CHST11: variants seen among roughly 807,000 people sequenced by gnomAD.
The protein encoded by CHST11 is C4S-1.
In CHST11, 9 loss-of-function variants were observed where a neutral mutation model predicts 30.4. The ratio of observed to expected loss-of-function variants is 0.30; its 90% CI spans 0.18 to 0.52. The LOEUF (loss-of-function observed/expected upper bound fraction) is 0.52, where lower values mean the gene tolerates loss of function less well. Ranked by LOEUF, CHST11 falls within the 20% of genes least tolerant of loss-of-function variation. The probability of loss-of-function intolerance (pLI) is 0.97; values close to 1 mark genes in which losing one functional copy is unlikely to be tolerated. For missense variants in CHST11, 348 were observed against 460.6 expected (o/e 0.76, Z 2.24); for synonymous variants, 152 against 187.8 (o/e 0.81, Z 1.56).
intron 2 of CHST11, among the ~76,000 whole-genome samples, chr12:104,686,537 G>C (rs913594626): frequency 7.9e-5 from 12 of 152,182 alleles, no homozygotes; most frequent in African/African-American, 2.9e-4. Flanking sequence ...TAAAATTGTA[G>C]GACTTCTGGA....
Position 104,480,381 on chromosome 12 carries a change from G to T in CHST11, c.118+22852G>T, listed in dbSNP as rs7953435. ...TCACGAGGTCAGGAGTTTGAGACCA[G>T]CCTGGCCAAGATGGTGAAACCCCGT... On this transcript the variant is annotated intron_variant, in intron 1 of 2. Transcript: ENST00000303694. 5.6e-3 allele frequency among the ~76,000 whole-genome samples: 859 copies of T among 152,216 alleles called. 10 individuals are homozygous for T. The highest frequency in any genetic ancestry group is 0.02 in the African/African-American group (825 of 41,524).
intron 2 of CHST11, among the ~76,000 whole-genome samples, chr12:104,605,566 C>T (rs184917830): frequency 2.9e-4 from 44 of 152,204 alleles, no homozygotes; most frequent in Admixed American, 2.4e-3. Context: ...GCGAAAGAGC[C>T]AGACTCCGTC....
At position 104,679,591 on chromosome 12, in the gene CHST11, G is replaced by C. The variant is rs536462105; in HGVS notation, c.205-77358G>C. ...TGATGAGACCCCAGCAGCTGGTGAGGGGGGCCAGGCCTGTGTGGATTTTGA... is the reference window on the plus strand; with the variant it reads ...TGATGAGACCCCAGCAGCTGGTGAGCGGGGCCAGGCCTGTGTGGATTTTGA... On this transcript the variant is annotated intron_variant, in intron 2 of 2. Transcript: ENST00000303694. Among the ~76,000 whole-genome samples, 401 of 152,286 alleles carry C rather than the reference G, an allele frequency of 2.6e-3. 1 individual carries two copies. The highest frequency in any genetic ancestry group is 4.6e-3 in the Non-Finnish European group (311 of 68,008).
At chr12:104,739,355 G>A (rs2040328638) in intron 2 of CHST11, among the ~76,000 whole-genome samples, 1 of 152,214 alleles carries the variant, frequency 6.6e-6, no homozygotes, top group African/African-American at 2.4e-5. Flanking sequence ...ATTTCTAGAA[G>A]GTAGAGTGAC....
At chr12:104,584,789 T>C (rs1357679483) in intron 1 of CHST11, among the ~76,000 whole-genome samples, 1 of 152,240 alleles carries the variant, frequency 6.6e-6, no homozygotes, top group Non-Finnish European at 1.5e-5. Flanking sequence ...CTAGAGTGTT[T>C]CCAATTTTTG....
chr12:104,625,264 G>C (rs911219644), intron 2 of CHST11, among the ~76,000 whole-genome samples: 1 of 152,204 alleles, frequency 6.6e-6, no homozygotes, highest in Non-Finnish European at 1.5e-5. Flanking sequence ...TTCTGTGTTA[G>C]TGCCTGACTC....
intron 2 of CHST11, among the ~76,000 whole-genome samples, chr12:104,610,524 A>G (rs2039050063): frequency 6.6e-6 from 1 of 152,234 alleles, no homozygotes; most frequent in Non-Finnish European, 1.5e-5. Flanking sequence ...ACACAGCTGT[A>G]CAATCTGCCA....
intron 1 of CHST11, among the ~76,000 whole-genome samples, chr12:104,583,736 G>A (rs868671377): frequency 7.0e-5 from 10 of 142,348 alleles, no homozygotes; most frequent in South Asian, 2.1e-4. Flanking sequence ...TTTTGAGGAT[G>A]GAGTCTCACT....
chr12:104,650,049 G>C (rs1592816868), intron 2 of CHST11, among the ~76,000 whole-genome samples: 1 of 152,332 alleles, frequency 6.6e-6, no homozygotes, highest in South Asian at 2.1e-4. Context: ...AGAAGGATTG[G>C]CAGAAGTCAG....
At chr12:104,698,209 C>T (rs1453288591) in intron 2 of CHST11, among the ~76,000 whole-genome samples, 1 of 152,198 alleles carries the variant, frequency 6.6e-6, no homozygotes, top group Non-Finnish European at 1.5e-5. Flanking sequence ...AACCCAAATG[C>T]CTTAGCCTGG....
rs75886642 is a variant in CHST11, at chr12:104,697,053, T to A, written c.205-59896T>A. ...CAGATAAATTGCTTCCATTTTTTTA[T>A]CATTATGAATAACATTGATCAAAGC... On this transcript the variant is annotated intron_variant, in intron 2 of 2. Coordinates refer to ENST00000303694, the MANE Select transcript of CHST11 (RefSeq NM_018413.6). 6.5e-3 allele frequency among the ~76,000 whole-genome samples: 986 copies of A among 152,318 alleles called. 6 individuals are homozygous for A. Among genetic ancestry groups the A allele is most frequent in the African/African-American group, 0.023 (955 of 41,578 alleles).
At chr12:104,743,084 T>C (rs1253080842) in intron 2 of CHST11, among the ~76,000 whole-genome samples, 1 of 152,246 alleles carries the variant, frequency 6.6e-6, no homozygotes, top group Non-Finnish European at 1.5e-5. Context: ...AAGTCATTCA[T>C]GCATTCAACA....
intron 2 of CHST11, among the ~76,000 whole-genome samples, chr12:104,737,851 G>A (rs1422817301): frequency 6.6e-6 from 1 of 152,130 alleles, no homozygotes; most frequent in East Asian, 1.9e-4. Flanking sequence ...GAAAGGGAGG[G>A]CGAGGCTGTC....
intron 1 of CHST11, among the ~76,000 whole-genome samples, chr12:104,541,378 G>A (rs1214743484): frequency 2.0e-5 from 3 of 152,024 alleles, no homozygotes; most frequent in Non-Finnish European, 4.4e-5. Flanking sequence ...GAGCCTGCAA[G>A]ACCCTTTTCA....
chr12:104,686,232 T>TAAAAAAAAAAAAAAAAAAAAAAA lies in CHST11; in HGVS notation c.205-70700_205-70699insAAAAAAAAAAAAAAAAAAAAAAA, dbSNP rs55789725. On this transcript the variant is annotated intron_variant, in intron 2 of 2. Coordinates refer to ENST00000303694, the MANE Select transcript of CHST11 (RefSeq NM_018413.6). ...GATCACAAAGGGAGAACTCACCTCT[T>TAAAAAAAAAAAAAAAAAAAAAAA]AAAAAAAAAAAAAAAAAGACAACAT... Among the ~76,000 whole-genome samples, 4 of 99,140 alleles carry TAAAAAAAAAAAAAAAAAAAAAAA rather than the reference T, an allele frequency of 4.0e-5. 1 individual carries two copies. Among genetic ancestry groups the TAAAAAAAAAAAAAAAAAAAAAAA allele is most frequent in the South Asian group, 7.4e-4 (2 of 2,718 alleles). The allele number at this position is 99,140 out of a possible 152,430, so 65.0% of individuals were successfully genotyped here.
chr12:104,458,220 C>T lies in CHST11; in HGVS notation c.118+691C>T, dbSNP rs2037374489. Among the ~76,000 whole-genome samples, 1 of 152,112 alleles carries T rather than the reference C, an allele frequency of 6.6e-6. No homozygotes were observed. Among genetic ancestry groups the T allele is most frequent in the South Asian group, 2.1e-4 (1 of 4,828 alleles). ...TGACCTTGCGGCTGGTGCCCCGGGG[C>T]CTGCTCCAGCCCCCAGCCCTGAGCT... On this transcript the variant is annotated intron_variant, in intron 1 of 2. Coordinates refer to ENST00000303694, the MANE Select transcript of CHST11 (RefSeq NM_018413.6). This position sits in a 1 kb window ranked among gnomAD's most constrained non-coding sequence, Gnocchi z 5.7.
chr12:104,532,232 C>T (rs1247819160), intron 1 of CHST11, among the ~76,000 whole-genome samples: 1 of 152,154 alleles, frequency 6.6e-6, no homozygotes, highest in Non-Finnish European at 1.5e-5. Flanking sequence ...GTTTGCTGTC[C>T]TCTCTGCCTG....
intron 1 of CHST11, among the ~76,000 whole-genome samples, chr12:104,544,774 C>CCCCGCCCCCCCCCCCCG (rs1314750788): frequency 8.3e-6 from 1 of 120,644 alleles, no homozygotes; most frequent in African/African-American, 2.8e-5. Flanking sequence ...CACAGTCCCC[C>CCCCGCCCCCCCCCCCCG]CACCCCGGAG....
intron 2 of CHST11, among the ~76,000 whole-genome samples, chr12:104,626,288 A>G (rs767160090): frequency 6.6e-6 from 1 of 152,210 alleles, no homozygotes; most frequent in Non-Finnish European, 1.5e-5. Context: ...GAGGTTTTAT[A>G]GTGATTTAAT....
Sources: allele counts gnomAD v4.1 joint callset (sites outside exome capture counted in the v4.1 genomes callset), GRCh38; gene constraint gnomAD v4.1.1; non-coding constraint Gnocchi (gnomAD v3.1); transcripts MANE v1.5; gene names NCBI Gene and HGNC (gene_info 2026-07-23, HGNC 2026-07-21).